The following PIP5KL1 variants were observed in gnomAD, a reference collection of about 807,000 sequenced individuals.
PIP5KL1 encodes phosphatidylinositol 4-phosphate 5-kinase-like protein 1.
PIP5KL1 carries 45 observed loss-of-function variants against 47.6 expected under a neutral mutation model. That is an observed-to-expected ratio of 0.94 (90% CI 0.74 to 1.21). The LOEUF is 1.21. Among genes scored for constraint, PIP5KL1 ranks in the 50% most tolerant of loss-of-function variants. The pLI, the probability that PIP5KL1 is intolerant of heterozygous loss-of-function variation, is 0.00. For missense variants in PIP5KL1, 577 were observed against 547.6 expected, an observed-to-expected ratio of 1.05 and a Z score of -0.54; for synonymous variants, 256 against 234.6, an observed-to-expected ratio of 1.09 and a Z score of -0.84.
chr9:127,925,358 C>A, intron 8 of PIP5KL1, 98 bp from the exon 9 acceptor site: 1 of 1,380,902 alleles, frequency 7.2e-7, no homozygotes, highest in South Asian at 1.4e-5. Flanking sequence ...ATTACTGTCC[C>A]CATCTCACAA....
rs751051676 is a variant in PIP5KL1, at chr9:127,922,055, G to A, written c.977C>T (p.Pro326Leu). 4.5e-6 allele frequency: 7 copies of A among 1,564,170 alleles called. No individual in the cohort carries two copies. The highest frequency in any genetic ancestry group is 6.1e-6 in the Non-Finnish European group (7 of 1,156,280). Residue 326 changes from proline to leucine, a missense_variant, in exon 10 of 10, where the codon CCC (proline) becomes CTC (leucine). Physicochemically the swap from Pro to Leu is moderately conservative, Grantham distance 98. Transcript: ENST00000388747. The stretch of plus-strand genomic sequence containing the variant: ...GATGTGTAGGGCGTTGGGGGCGTCG[G>A]GCAGCAGCCGGCGGTTTTGGGCTCT... ...ESRAQNRRLLPDAPNALHILD... is the reference protein window; with the variant it reads ...ESRAQNRRLLLDAPNALHILD...
chr9:127,926,815 A>C (rs1172311365), intron 7 of PIP5KL1, among the ~76,000 whole-genome samples: 1 of 152,226 alleles, frequency 6.6e-6, no homozygotes, highest in East Asian at 1.9e-4. Context: ...ACAGGGGGTT[A>C]CGTGCAGTCA....
chr9:127,926,226 CTT>C (rs755465515), intron 7 of PIP5KL1, among the ~76,000 whole-genome samples: 25 of 128,028 alleles, frequency 2.0e-4, no homozygotes, highest in East Asian at 2.2e-4. Flanking sequence ...TCTTTCTTCC[CTT>C]TTTTTTTTTT....
Position 127,928,491 on chromosome 9 carries a change from GAGAGGTAGAGGA to G in PIP5KL1, c.229-20_229-9del. The G allele has an allele frequency of 6.3e-7, 1 of 1,587,232 alleles. No homozygotes were observed. The highest frequency in any genetic ancestry group is 8.6e-7 in the Non-Finnish European group (1 of 1,168,744). On this transcript the variant is annotated splice_polypyrimidine_tract_variant and intron_variant, in intron 2 of 9. Transcript: ENST00000388747. ...GTCCCGGGAGGGCGGCCCCTGCAGG[GAGAGGTAGAGGA>G]GCTCAGGGCAACCCTCAGTCCCCTG...
chr9:127,921,851 T>C lies in PIP5KL1; in HGVS notation c.1181A>G (p.Glu394Gly). The C allele has an allele frequency of 6.4e-7, 1 of 1,572,304 alleles. No homozygotes were observed. The highest frequency in any genetic ancestry group is 1.3e-5 in the African/African-American group (1 of 74,332). Residue 394 changes from glutamate (E) to glycine (G), a missense_variant, in exon 10 of 10, where the codon GAG becomes GGG. Transcript: ENST00000388747. The part of the protein sequence containing the change: ...RLCQWVEAHT[E>G] ...GAGAGTGGGGCCGGGCGCCCGTCACTCCGTGTGCGCCTCCACCCACTGGCA... is the reference window on the plus strand; with the variant it reads ...GAGAGTGGGGCCGGGCGCCCGTCACCCCGTGTGCGCCTCCACCCACTGGCA...
Position 127,930,760 on chromosome 9 carries a change from G to A in PIP5KL1, c.-8C>T, listed in dbSNP as rs748931568. 6 of 1,546,044 alleles carry A rather than the reference G, an allele frequency of 3.9e-6. No individual in the cohort carries two copies. The highest frequency in any genetic ancestry group is 4.3e-6 in the Non-Finnish European group (5 of 1,150,338). On this transcript the variant is annotated 5_prime_UTR_variant, in exon 1 of 10. Coordinates refer to ENST00000388747, the MANE Select transcript of PIP5KL1 (RefSeq NM_001135219.2). ...CGGGCTCGGCGCAGCCATCGCCCCCGCAGCAGCTTCCCGGGCTTTGGCCGC... is the reference window on the plus strand; with the variant it reads ...CGGGCTCGGCGCAGCCATCGCCCCCACAGCAGCTTCCCGGGCTTTGGCCGC...
rs1460233717 is a variant in PIP5KL1, at chr9:127,925,988, G to A, written c.651-9C>T. Reference sequence around the variant, plus strand: ...AGCCTTTGATGTCATACCTGGGTGGGGGGACAGAATTCAGCTTTACATAGA... The same window carrying A: ...AGCCTTTGATGTCATACCTGGGTGGAGGGACAGAATTCAGCTTTACATAGA... On this transcript the variant is annotated splice_polypyrimidine_tract_variant and intron_variant, in intron 7 of 9. Coordinates refer to ENST00000388747, the MANE Select transcript of PIP5KL1 (RefSeq NM_001135219.2). 1.3e-6 allele frequency: 2 copies of A among 1,598,300 alleles called. No homozygotes were observed. The highest frequency in any genetic ancestry group is 2.2e-5 in the South Asian group (2 of 90,328).
chr9:127,924,224 G>A (rs1831327197), intron 9 of PIP5KL1, among the ~76,000 whole-genome samples: 1 of 152,004 alleles, frequency 6.6e-6, no homozygotes, highest in Admixed American at 6.6e-5. Context: ...AAAATTGGCC[G>A]GATGCTGGGC....
chr9:127,927,278 T>G lies in PIP5KL1; in HGVS notation c.594+19A>C. Reference sequence around the variant, plus strand: ...CAGCCGCCCGCTCCGCCCAGCCACCTCGCCTCGGCTTCACCCACCTTCTTT... The same window carrying G: ...CAGCCGCCCGCTCCGCCCAGCCACCGCGCCTCGGCTTCACCCACCTTCTTT... On this transcript the variant is annotated intron_variant, in intron 6 of 9. Coordinates refer to ENST00000388747, the MANE Select transcript of PIP5KL1 (RefSeq NM_001135219.2). This position sits in a 1 kb window ranked among gnomAD's most constrained non-coding sequence, Gnocchi z 5.5. The G allele has an allele frequency of 6.2e-7, 1 of 1,611,422 alleles. No individual in the cohort carries two copies. The highest frequency in any genetic ancestry group is 8.5e-7 in the Non-Finnish European group (1 of 1,179,338).
At position 127,927,074 on chromosome 9, in the gene PIP5KL1, C is replaced by A. The variant is rs900494061; in HGVS notation, c.650+79G>T. ...TCTCCTTCCTGGGCCTCGGTTTCAC[C>A]GTCTGGCTAGTGAGTGTGGGTGCTT... is the stretch of plus-strand genomic sequence containing the variant. On this transcript the variant is annotated intron_variant, in intron 7 of 9. Transcript: ENST00000388747. This position sits in a 1 kb window ranked among gnomAD's most constrained non-coding sequence, Gnocchi z 5.5. The A allele has an allele frequency of 1.4e-6, 2 of 1,443,792 alleles. No homozygotes were observed. The highest frequency in any genetic ancestry group is 9.4e-7 in the Non-Finnish European group (1 of 1,067,790). 89.4% of individuals were successfully genotyped at this position (1,443,792 alleles called of 1,614,324 possible).
chr9:127,927,008 G>T lies in PIP5KL1; in HGVS notation c.650+145C>A. 1.1e-6 allele frequency: 1 copy of T among 936,882 alleles called. No individual in the cohort carries two copies. Among genetic ancestry groups the T allele is most frequent in the Non-Finnish European group, 1.6e-6 (1 of 634,854 alleles). The allele number at this position is 936,882 out of a possible 1,614,324, so 58.0% of individuals were successfully genotyped here. Reference sequence around the variant, plus strand: ...AGTGCTCCAGAGATGCTGGGTGTGGGCGTCACTGTCTCTGACCCACCAGAT... The same window carrying T: ...AGTGCTCCAGAGATGCTGGGTGTGGTCGTCACTGTCTCTGACCCACCAGAT... On this transcript the variant is annotated intron_variant, in intron 7 of 9. Coordinates refer to ENST00000388747, the MANE Select transcript of PIP5KL1 (RefSeq NM_001135219.2). The surrounding 1 kb of genome is among the most constrained non-coding windows in gnomAD (Gnocchi z 5.5).
chr9:127,926,039 A>G, intron 7 of PIP5KL1, 60 bp from the exon 8 acceptor site: 1 of 1,253,636 alleles, frequency 8.0e-7, no homozygotes, highest in Non-Finnish European at 1.1e-6. Flanking sequence ...GAATCTCACA[A>G]GAGCTTCCAG....
Position 127,925,911 on chromosome 9 carries a change from A to G in PIP5KL1, c.719T>C (p.Leu240Pro), listed in dbSNP as rs750285826. 2 of 1,614,162 alleles carry G rather than the reference A, an allele frequency of 1.2e-6. No homozygotes were observed. The highest frequency in any genetic ancestry group is 1.7e-6 in the Non-Finnish European group (2 of 1,180,028). Reference sequence around the variant, plus strand: ...CTGAAAGTTGAGGTCCTTCAGCACCAGAACAAGGGGGCTGCCCTCAGGGGC... The same window carrying G: ...CTGAAAGTTGAGGTCCTTCAGCACCGGAACAAGGGGGCTGCCCTCAGGGGC... ...DPAPEGSPLV[L>P]VLKDLNFQGK... Residue 240 changes from leucine to proline, a missense_variant, in exon 8 of 10, where the codon CTG becomes CCG. By Grantham distance (98) the Leu-to-Pro change is moderately conservative. Transcript: ENST00000388747.
rs1831381021 is a variant in PIP5KL1 at position 127,927,533 on chromosome 9, C to T, written c.559+115G>A. ...CCCGCCCCCACGTATGGCCCCACCC[C>T]CATGCCCTACAACCCCAAATCCGCC... On this transcript the variant is annotated intron_variant, in intron 5 of 9. Transcript: ENST00000388747. This position sits in a 1 kb window ranked among gnomAD's most constrained non-coding sequence, Gnocchi z 5.5. 4 of 1,445,620 alleles carry T rather than the reference C, an allele frequency of 2.8e-6. No homozygotes were observed. In the South Asian group the frequency reaches 5.7e-5, roughly 21 times the overall value. The allele number at this position is 1,445,620 out of a possible 1,614,324, so 89.5% of individuals were successfully genotyped here.
chr9:127,930,624 G>A (rs573399138), intron 1 of PIP5KL1, 99 bp downstream of exon 1: 181 of 1,372,458 alleles, frequency 1.3e-4, no homozygotes, highest in Middle Eastern at 2.4e-4. Context: ...GCCCCTCCCA[G>A]GCTTGGATGG....
chr9:127,922,081 C>T lies in PIP5KL1; in HGVS notation c.951G>A (p.Ser317=), dbSNP rs1274063915. The T allele has an allele frequency of 1.7e-5, 27 of 1,555,912 alleles. No homozygotes were observed. The highest frequency in any genetic ancestry group is 2.2e-5 in the Non-Finnish European group (25 of 1,153,046). The change falls in exon 10 of 10, where the codon TCG becomes TCA. Residue 317 remains serine, a synonymous_variant. Transcript: ENST00000388747. ...GCAGCAGCCGGCGGTTTTGGGCTCTCGACTCTTCCGGGCTCTGTGCCCCTT... is the reference window on the plus strand; with the variant it reads ...GCAGCAGCCGGCGGTTTTGGGCTCTTGACTCTTCCGGGCTCTGTGCCCCTT... ...SVQGAQSPEE[S]RAQNRRLLPD... is the part of the protein sequence containing the mutation.
Position 127,921,721 on chromosome 9 carries a change from A to T in PIP5KL1, c.*126T>A. ...AACGGGACTGCGCGGTTACGGTATTAGTTAGGGGATGCTGCCCTCTGGCGA... is the reference window on the plus strand; with the variant it reads ...AACGGGACTGCGCGGTTACGGTATTTGTTAGGGGATGCTGCCCTCTGGCGA... On this transcript the variant is annotated 3_prime_UTR_variant, in exon 10 of 10. Coordinates refer to ENST00000388747, the MANE Select transcript of PIP5KL1 (RefSeq NM_001135219.2). 1 of 1,299,630 alleles carries T rather than the reference A, an allele frequency of 7.7e-7. No homozygotes were observed. The highest frequency in any genetic ancestry group is 1.0e-6 in the Non-Finnish European group (1 of 970,322). The allele number at this position is 1,299,630 out of a possible 1,614,324, so 80.5% of individuals were successfully genotyped here. A position where few individuals can be genotyped will look rare whatever the true frequency, so the allele number is the denominator to read the frequency against.
At position 127,929,814 on chromosome 9, in the gene PIP5KL1, G is replaced by A. The variant is rs766527481; in HGVS notation, c.102C>T (p.Leu34=). The change falls in exon 2 of 10, where the codon CTC becomes CTT. Residue 34 remains leucine (L), a synonymous_variant. Coordinates refer to ENST00000388747, the MANE Select transcript of PIP5KL1 (RefSeq NM_001135219.2). This position sits in a 1 kb window ranked among gnomAD's most constrained non-coding sequence, Gnocchi z 4.0. ...TSSRRGLLWR[L]RDKQSRLGLF... is the part of the protein sequence containing the mutation. ...GGCCCAGGCGAGACTGCTTGTCTCG[G>A]AGGCGCCAGAGAAGCCCCCGCCGGC... 1.9e-6 allele frequency: 3 copies of A among 1,550,488 alleles called. No individual in the cohort carries two copies. Among genetic ancestry groups the A allele is most frequent in the African/African-American group, 2.7e-5 (2 of 73,020 alleles).
chr9:127,922,209 A>C, intron 9 of PIP5KL1, 95 bp from the exon 10 acceptor site: 1 of 1,387,798 alleles, frequency 7.2e-7, no homozygotes, highest in Non-Finnish European at 9.5e-7. Context: ...CCCCTCCACC[A>C]GCTCATTCCC....
Sources: gnomAD v4.1 joint callset for allele counts (sites outside exome capture counted in the v4.1 genomes callset) on GRCh38, gnomAD v4.1.1 for gene constraint, Gnocchi (gnomAD v3.1) non-coding constraint, MANE v1.5 for transcripts, NCBI Gene and HGNC (gene_info 2026-07-23, HGNC 2026-07-21) for gene names.